Variants in CREB5 observed in about 807,000 individuals in gnomAD.
CREB5 encodes cAMP responsive element binding protein 5.
CREB5 carries 19 observed loss-of-function variants against 57.1 expected under a neutral mutation model. The observed-to-expected ratio is 0.33, with a 90% CI of 0.23 to 0.49. The LOEUF is 0.49. Among genes scored for constraint, CREB5 ranks in the 20% least tolerant of loss-of-function variants. The pLI is 0.99. For missense variants in CREB5, 579 were observed against 671.6 expected (o/e 0.86, Z 1.52); for synonymous variants, 238 against 238.3 (o/e 1.00, Z 0.01).
At chr7:28,769,246 G>C (rs1459004251) in intron 7 of CREB5, among the ~76,000 whole-genome samples, 1 of 152,176 alleles carries the variant, frequency 6.6e-6, no homozygotes, top group African/African-American at 2.4e-5. Flanking sequence ...TCTAGTGCTT[G>C]TAAAAAACGT....
At chr7:28,765,173 T>C (rs1286733117) in intron 7 of CREB5, among the ~76,000 whole-genome samples, 1 of 152,240 alleles carries the variant, frequency 6.6e-6, no homozygotes, top group Non-Finnish European at 1.5e-5. Flanking sequence ...ACCTTTCATC[T>C]ATTGTGATCA....
intron 1 of CREB5, among the ~76,000 whole-genome samples, chr7:28,346,015 C>A (rs546316499): frequency 2.2e-4 from 33 of 152,186 alleles, no homozygotes; most frequent in Middle Eastern, 3.4e-3. Context: ...CCACATTATC[C>A]GAAGGGGGGC....
chr7:28,534,367 G>A (rs759146365), intron 4 of CREB5, among the ~76,000 whole-genome samples: 2 of 152,164 alleles, frequency 1.3e-5, no homozygotes, highest in Non-Finnish European at 2.9e-5. Context: ...GTCCTCCCCC[G>A]CGAGCCCTCT....
intron 1 of CREB5, among the ~76,000 whole-genome samples, chr7:28,321,283 C>T (rs1458259239): frequency 6.6e-6 from 1 of 152,100 alleles, no homozygotes; most frequent in East Asian, 1.9e-4. Context: ...CTCTTTTCCT[C>T]TTCCTCCTCG....
At chr7:28,786,395 C>T (rs983211063) in intron 7 of CREB5, among the ~76,000 whole-genome samples, 2 of 152,130 alleles carry the variant, frequency 1.3e-5, no homozygotes, top group African/African-American at 4.8e-5. Flanking sequence ...TACAGTCATG[C>T]ACCACCACAC....
chr7:28,764,245 A>AT (rs945451616), intron 7 of CREB5, among the ~76,000 whole-genome samples: 2 of 151,862 alleles, frequency 1.3e-5, no homozygotes, highest in South Asian at 2.1e-4. Flanking sequence ...TTCTCTTATT[A>AT]TTTTTTTTAA....
At chr7:28,482,749 TA>T (rs1322822776) in intron 1 of CREB5, among the ~76,000 whole-genome samples, 2 of 152,234 alleles carry the variant, frequency 1.3e-5, no homozygotes, top group Non-Finnish European at 2.9e-5. Flanking sequence ...ATTTCCAGGT[TA>T]ACAATATCAG....
At position 28,816,055 on chromosome 7, in the gene CREB5, GCACACA is replaced by G. The variant is rs34917973; in HGVS notation, c.1255-1991_1255-1986del. ...ATTTCCTTCTGAAGCAAATATATAC[GCACACA>G]CACACACACACACACACACACACAT... On this transcript the variant is annotated intron_variant, in intron 9 of 10. Transcript: ENST00000357727. 5.2e-3 allele frequency among the ~76,000 whole-genome samples: 750 copies of G among 145,334 alleles called. 7 individuals are homozygous for G. The highest frequency in any genetic ancestry group is 0.016 in the African/African-American group (638 of 39,602).
At chr7:28,461,566 T>C (rs1790351675) in intron 1 of CREB5, among the ~76,000 whole-genome samples, 1 of 152,192 alleles carries the variant, frequency 6.6e-6, no homozygotes, top group Non-Finnish European at 1.5e-5. Flanking sequence ...GTGTGTTTTT[T>C]GAGTAATGAA....
chr7:28,814,688 T>G (rs1454659703), intron 9 of CREB5, among the ~76,000 whole-genome samples: 3 of 152,176 alleles, frequency 2.0e-5, no homozygotes, highest in African/African-American at 4.8e-5. Context: ...GGAAGGAACT[T>G]TCTGGAAGTA....
At chr7:28,460,912 T>TG (rs564618153) in intron 1 of CREB5, among the ~76,000 whole-genome samples, 3,234 of 151,792 alleles carry the variant, frequency 0.021, 44 homozygotes, top group Middle Eastern at 0.048. Flanking sequence ...GTGGATCTTA[T>TG]GGGGGGGCAT....
intron 4 of CREB5, among the ~76,000 whole-genome samples, chr7:28,553,674 G>A (rs146937652): frequency 1.3e-4 from 20 of 152,302 alleles, no homozygotes; most frequent in African/African-American, 3.1e-4. Flanking sequence ...GGTCTTAATC[G>A]TACTAGGCAC....
chr7:28,795,899 G>A (rs943833235), intron 7 of CREB5, among the ~76,000 whole-genome samples: 3 of 151,764 alleles, frequency 2.0e-5, no homozygotes, highest in Non-Finnish European at 4.4e-5. Flanking sequence ...GATTATGGGC[G>A]CTTGCCACCA....
intron 5 of CREB5, among the ~76,000 whole-genome samples, chr7:28,626,970 T>C (rs160344): frequency 0.29 from 43,458 of 152,112 alleles, 6,405 homozygotes; most frequent in East Asian, 0.41. Flanking sequence ...TTGCTCTCAA[T>C]GCTTGCAATG....
chr7:28,600,562 A>G (rs1392854927), intron 5 of CREB5, among the ~76,000 whole-genome samples: 3 of 152,184 alleles, frequency 2.0e-5, no homozygotes, highest in Admixed American at 6.5e-5. Context: ...CTAATGCGCT[A>G]TTCATGGAAG....
chr7:28,687,613 A>G (rs545175331), intron 5 of CREB5, among the ~76,000 whole-genome samples: 8 of 151,318 alleles, frequency 5.3e-5, no homozygotes, highest in Non-Finnish European at 1.0e-4. Context: ...GGGAACTTCA[A>G]AACTTCTCTT....
At chr7:28,720,035 G>A (rs1308508507) in intron 6 of CREB5, among the ~76,000 whole-genome samples, 3 of 152,194 alleles carry the variant, frequency 2.0e-5, no homozygotes, top group African/African-American at 7.2e-5. Context: ...ACTCCAGCCT[G>A]GGTGACAGAG....
intron 1 of CREB5, among the ~76,000 whole-genome samples, chr7:28,413,228 C>G (rs1445372815): frequency 6.6e-6 from 1 of 151,720 alleles, no homozygotes; most frequent in African/African-American, 2.4e-5. Flanking sequence ...ATGAATTCCC[C>G]TTTCTGTGAG....
rs1295175680 is a variant in CREB5 at position 28,820,802 on chromosome 7, T to A, written c.*1523T>A. On this transcript the variant is annotated 3_prime_UTR_variant, in exon 11 of 11. Transcript: ENST00000357727. ...TTTACTTTTATTTTAAAATAAAAGA[T>A]GAGGTCTGTCTTATGTTGCCCAGGC... 2 of 152,152 alleles carry A rather than the reference T, an allele frequency of 1.3e-5. No homozygotes were observed. Among genetic ancestry groups the A allele is most frequent in the Non-Finnish European group, 2.9e-5 (2 of 68,032 alleles). 9.4% of individuals were successfully genotyped at this position (152,152 alleles called of 1,614,324 possible).
Sources: allele counts gnomAD v4.1 joint callset (sites outside exome capture counted in the v4.1 genomes callset), GRCh38; gene constraint gnomAD v4.1.1; transcripts MANE v1.5; gene names NCBI Gene and HGNC (gene_info 2026-07-23, HGNC 2026-07-21).